CLYBL: variants seen among roughly 807,000 people sequenced by gnomAD.
The protein encoded by CLYBL is citramalyl-CoA lyase, mitochondrial.
In CLYBL, 31 loss-of-function variants were observed where a neutral mutation model predicts 38.9. That is an observed-to-expected ratio of 0.80 (90% CI 0.60 to 1.08). CLYBL has a LOEUF of 1.08. Ranked by LOEUF, CLYBL falls within the 50% of genes least tolerant of loss-of-function variation. CLYBL has a pLI of 0.00. For missense variants in CLYBL, 434 were observed against 411.6 expected (o/e 1.05, Z -0.47); for synonymous variants, 171 against 158.6 (o/e 1.08, Z -0.59).
intron 2 of CLYBL, among the ~76,000 whole-genome samples, chr13:99,828,600 G>T (rs558098102): frequency 6.6e-6 from 1 of 152,282 alleles, no homozygotes; most frequent in South Asian, 2.1e-4. Context: ...TCTCAGTGGG[G>T]AGCAGGGTTT....
chr13:99,734,401 A>AT (rs956912447), intron 1 of CLYBL, among the ~76,000 whole-genome samples: 6 of 151,600 alleles, frequency 4.0e-5, no homozygotes, highest in South Asian at 4.2e-4. Context: ...AGAAATTGAG[A>AT]TTAAAAAAAA....
intron 1 of CLYBL, among the ~76,000 whole-genome samples, chr13:99,723,479 C>T (rs544241733): frequency 1.3e-5 from 2 of 152,310 alleles, no homozygotes; most frequent in African/African-American, 4.8e-5. Flanking sequence ...AGAGCAACGA[C>T]TCTTAAAGCC....
intron 2 of CLYBL, among the ~76,000 whole-genome samples, chr13:99,840,340 G>A (rs1336264435): frequency 1.3e-5 from 2 of 151,988 alleles, no homozygotes; most frequent in Non-Finnish European, 2.9e-5. Context: ...GGCCAGGCAC[G>A]GTGGCTCATG....
chr13:99,700,245 G>C (rs1021928517), intron 1 of CLYBL, among the ~76,000 whole-genome samples: 10 of 152,074 alleles, frequency 6.6e-5, no homozygotes, highest in Non-Finnish European at 1.0e-4. Context: ...CTGAGGTCGG[G>C]AGTTCGAGAC....
At chr13:99,870,842 G>C in intron 6 of CLYBL, 96 bp from the exon 7 acceptor site, 3 of 1,281,380 alleles carry the variant, frequency 2.3e-6, no homozygotes, top group Non-Finnish European at 2.2e-6. Context: ...TTAACATACA[G>C]TCTATGAGGC....
At chr13:99,823,829 A>G (rs1215235828) in intron 2 of CLYBL, among the ~76,000 whole-genome samples, 2 of 152,162 alleles carry the variant, frequency 1.3e-5, no homozygotes, top group Non-Finnish European at 2.9e-5. Context: ...TTTCCCCAAC[A>G]AGTTGTCATC....
intron 6 of CLYBL, 27 bp from the exon 7 acceptor site, chr13:99,870,911 G>A: frequency 6.3e-7 from 1 of 1,578,804 alleles, no homozygotes; most frequent in Non-Finnish European, 8.6e-7. Context: ...TTGTTTCGTG[G>A]TTCCGATGTT....
At chr13:99,657,172 CAGA>C (rs2047341843) in intron 1 of CLYBL, among the ~76,000 whole-genome samples, 1 of 152,146 alleles carries the variant, frequency 6.6e-6, no homozygotes, top group South Asian at 2.1e-4. Context: ...CTGTATACTG[CAGA>C]AGGACAACAG....
intron 1 of CLYBL, among the ~76,000 whole-genome samples, chr13:99,735,886 T>C (rs994034065): frequency 2.0e-5 from 3 of 152,234 alleles, no homozygotes; most frequent in Non-Finnish European, 4.4e-5. Context: ...ACACTGTAGA[T>C]ACCTAAATCA....
intron 7 of CLYBL, among the ~76,000 whole-genome samples, chr13:99,883,518 C>CA (rs199528877): frequency 0.067 from 8,737 of 130,768 alleles, 663 homozygotes; most frequent in African/African-American, 0.19. Context: ...GACTCCATCT[C>CA]AAAAAAAAAA....
intron 2 of CLYBL, among the ~76,000 whole-genome samples, chr13:99,834,847 T>G (rs535726600): frequency 6.6e-6 from 1 of 152,330 alleles, no homozygotes; most frequent in East Asian, 1.9e-4. Flanking sequence ...CTGCTGACAC[T>G]TTTGTCTTAT....
chr13:99,806,772 A>ATTC (rs1279850926), intron 2 of CLYBL, among the ~76,000 whole-genome samples: 1 of 152,162 alleles, frequency 6.6e-6, no homozygotes, highest in Non-Finnish European at 1.5e-5. Context: ...CTCTTACCAT[A>ATTC]TTCTAAATCT....
chr13:99,754,416 C>CCAAAAAAAAAA (rs1454742490), intron 1 of CLYBL, among the ~76,000 whole-genome samples: 1 of 71,878 alleles, frequency 1.4e-5, no homozygotes. Context: ...GACCCTGTCT[C>CCAAAAAAAAAA]AAAAAAAAAA....
chr13:99,645,887 C>T (rs1437211662), intron 1 of CLYBL, among the ~76,000 whole-genome samples: 2 of 152,058 alleles, frequency 1.3e-5, no homozygotes, highest in South Asian at 2.1e-4. Context: ...CTTTTGGGGC[C>T]TTAGGGCAAT....
chr13:99,791,360 T>TA (rs57869213), intron 2 of CLYBL, among the ~76,000 whole-genome samples: 2,130 of 146,594 alleles, frequency 0.015, 27 homozygotes, highest in South Asian at 0.056. Flanking sequence ...GTGTCTTTTT[T>TA]AAAAAAAAAA....
chr13:99,678,144 G>A (rs1478266229), intron 1 of CLYBL, among the ~76,000 whole-genome samples: 1 of 152,178 alleles, frequency 6.6e-6, no homozygotes. Context: ...TGGCATTACC[G>A]ATATTGTTGA....
At chr13:99,698,316 C>T (rs934753614) in intron 1 of CLYBL, among the ~76,000 whole-genome samples, 2 of 145,688 alleles carry the variant, frequency 1.4e-5, no homozygotes, top group Non-Finnish European at 3.0e-5. Flanking sequence ...CTCAGCCTCC[C>T]GAGTAGTGCC....
chr13:99,904,677 T>A (rs1018356245), intron 8 of CLYBL, among the ~76,000 whole-genome samples: 1 of 152,244 alleles, frequency 6.6e-6, no homozygotes, highest in African/African-American at 2.4e-5. Flanking sequence ...TTCCATAATT[T>A]AATTTTTCTC....
intron 1 of CLYBL, among the ~76,000 whole-genome samples, chr13:99,750,506 T>C (rs1390745607): frequency 6.6e-6 from 1 of 151,930 alleles, no homozygotes; most frequent in African/African-American, 2.4e-5. Flanking sequence ...AAACCCCGTC[T>C]CTACCAAAAA....
Sources: allele counts gnomAD v4.1 joint callset (sites outside exome capture counted in the v4.1 genomes callset), GRCh38; gene constraint gnomAD v4.1.1; transcripts MANE v1.5; gene names NCBI Gene and HGNC (gene_info 2026-07-23, HGNC 2026-07-21).